Variants in KCNQ5 observed in about 807,000 individuals in gnomAD.
KCNQ5 encodes potassium voltage-gated channel subfamily KQT member 5.
In KCNQ5, 30 loss-of-function variants were observed where a neutral mutation model predicts 98.2. The observed-to-expected ratio is 0.31, with a 90% confidence interval of 0.23 to 0.41. KCNQ5 has a LOEUF of 0.41. Among genes scored for constraint, KCNQ5 ranks in the 10% least tolerant of loss-of-function variants. The pLI, the probability that KCNQ5 is intolerant of heterozygous loss-of-function variation, is 1.00. For synonymous variants in KCNQ5, 458 were observed against 449.4 expected, an observed-to-expected ratio of 1.02 and a Z score of -0.24; for missense variants, 835 against 1,182.5, an observed-to-expected ratio of 0.71 and a Z score of 4.31.
intron 2 of KCNQ5, among the ~76,000 whole-genome samples, chr6:73,031,483 C>T (rs914541305): frequency 1.3e-5 from 2 of 152,128 alleles, no homozygotes; most frequent in African/African-American, 4.8e-5. Flanking sequence ...AAACAGTATG[C>T]TAATTGGGTG....
intron 11 of KCNQ5, among the ~76,000 whole-genome samples, chr6:73,187,422 C>T (rs2150521066): frequency 7.1e-6 from 1 of 141,538 alleles, no homozygotes; most frequent in South Asian, 2.1e-4. Flanking sequence ...TTGCTCCAGG[C>T]ACCACTGCAC....
At chr6:72,819,124 ATTTTAT>A (rs1441961581) in intron 1 of KCNQ5, among the ~76,000 whole-genome samples, 1 of 151,868 alleles carries the variant, frequency 6.6e-6, no homozygotes, top group Non-Finnish European at 1.5e-5. Context: ...CAGTTCGACA[ATTTTAT>A]TTTTATTTAT....
chr6:73,165,969 A>T (rs980474868), intron 10 of KCNQ5, among the ~76,000 whole-genome samples: 2 of 151,830 alleles, frequency 1.3e-5, no homozygotes, highest in South Asian at 4.2e-4. Flanking sequence ...GAAATACAAG[A>T]AGGGCAAATC....
intron 1 of KCNQ5, among the ~76,000 whole-genome samples, chr6:72,952,735 G>T (rs1337647508): frequency 6.6e-6 from 1 of 152,078 alleles, no homozygotes; most frequent in South Asian, 2.1e-4. Context: ...GATAGTAACT[G>T]CTTCTTTCCT....
chr6:73,125,219 T>C (rs4706531), intron 9 of KCNQ5, among the ~76,000 whole-genome samples: 145,232 of 151,612 alleles, frequency 0.96, 69,557 homozygotes, highest in South Asian at 0.99. Flanking sequence ...TTATTATCAG[T>C]TTCCCATGAC....
intron 1 of KCNQ5, among the ~76,000 whole-genome samples, chr6:72,762,037 G>A (rs1414718489): frequency 6.6e-6 from 1 of 152,058 alleles, no homozygotes; most frequent in African/African-American, 2.4e-5. Flanking sequence ...TATCGCTAGA[G>A]CTGGGTTAGG....
At chr6:72,913,406 C>T (rs973963559) in intron 1 of KCNQ5, among the ~76,000 whole-genome samples, 7 of 151,976 alleles carry the variant, frequency 4.6e-5, no homozygotes, top group Non-Finnish European at 7.4e-5. Flanking sequence ...GCAGTGGTTC[C>T]CATTTGTATT....
intron 1 of KCNQ5, among the ~76,000 whole-genome samples, chr6:72,661,889 C>T (rs909809155): frequency 6.6e-6 from 1 of 152,116 alleles, no homozygotes; most frequent in African/African-American, 2.4e-5. Flanking sequence ...AAATGAAAAA[C>T]TGGACTGTTT....
At chr6:72,647,091 C>T (rs9342961) in intron 1 of KCNQ5, among the ~76,000 whole-genome samples, 75,767 of 152,118 alleles carry the variant, frequency 0.5, 20,778 homozygotes, top group African/African-American at 0.73. Flanking sequence ...CATATTCATT[C>T]ATTTACTGTC....
intron 10 of KCNQ5, among the ~76,000 whole-genome samples, chr6:73,146,130 A>G (rs1776914214): frequency 6.6e-6 from 1 of 152,236 alleles, no homozygotes; most frequent in Non-Finnish European, 1.5e-5. Context: ...GATTAACAAT[A>G]TAGATTTGTG....
chr6:73,021,734 A>G (rs1442125078), intron 2 of KCNQ5, among the ~76,000 whole-genome samples: 1 of 152,228 alleles, frequency 6.6e-6, no homozygotes, highest in Non-Finnish European at 1.5e-5. Context: ...CCATGGAGAC[A>G]TTAAAATACT....
intron 1 of KCNQ5, among the ~76,000 whole-genome samples, chr6:72,737,706 T>A (rs1366220404): frequency 1.3e-5 from 2 of 152,228 alleles, no homozygotes; most frequent in African/African-American, 4.8e-5. Context: ...GCTAATGAAA[T>A]CACATTCCCT....
rs150987304 is a variant in KCNQ5, at chr6:72,717,370, G to A, written c.398+94783G>A. Among the ~76,000 whole-genome samples the A allele has an allele frequency of 2.0e-4, 31 of 152,154 alleles. No individual in the cohort carries two copies. In the East Asian group the frequency reaches 5.4e-3, roughly 27 times the overall value. ...ATGGATATGCTAATTACTCTGATTTGATTATTATACAACATATACTTGTAT... is the reference window on the plus strand; with the variant it reads ...ATGGATATGCTAATTACTCTGATTTAATTATTATACAACATATACTTGTAT... On this transcript the variant is annotated intron_variant, in intron 1 of 13. Transcript: ENST00000370398.
At chr6:72,805,723 G>T (rs1410140585) in intron 1 of KCNQ5, among the ~76,000 whole-genome samples, 1 of 152,056 alleles carries the variant, frequency 6.6e-6, no homozygotes, top group Non-Finnish European at 1.5e-5. Context: ...TTAGTATTTT[G>T]ATAGGGATTG....
chr6:72,676,480 T>C (rs1378826218), intron 1 of KCNQ5, among the ~76,000 whole-genome samples: 5 of 152,164 alleles, frequency 3.3e-5, no homozygotes, highest in Non-Finnish European at 2.9e-5. Context: ...AAGAAGCAGA[T>C]TGGTGTCTCT....
chr6:73,046,729 G>T (rs766273709), intron 3 of KCNQ5, among the ~76,000 whole-genome samples: 18 of 150,540 alleles, frequency 1.2e-4, no homozygotes, highest in Non-Finnish European at 1.8e-4. Context: ...TACAACCTCC[G>T]CCTCCTGGGT....
At chr6:72,675,555 A>G (rs1048248991) in intron 1 of KCNQ5, among the ~76,000 whole-genome samples, 3 of 152,208 alleles carry the variant, frequency 2.0e-5, no homozygotes, top group African/African-American at 7.2e-5. Context: ...TTACCAGACA[A>G]ACAATCTGAG....
chr6:73,007,471 A>G (rs571157245), intron 2 of KCNQ5, among the ~76,000 whole-genome samples: 1 of 152,296 alleles, frequency 6.6e-6, no homozygotes, highest in Admixed American at 6.5e-5. Flanking sequence ...CTGTCTCCCC[A>G]CCTAAACAAC....
At chr6:72,684,946 A>G (rs574859676) in intron 1 of KCNQ5, among the ~76,000 whole-genome samples, 1 of 152,258 alleles carries the variant, frequency 6.6e-6, no homozygotes, top group South Asian at 2.1e-4. Flanking sequence ...ATAATTCTTA[A>G]GAAACATTCC....
Sources: allele counts gnomAD v4.1 joint callset (sites outside exome capture counted in the v4.1 genomes callset), GRCh38; gene constraint gnomAD v4.1.1; transcripts MANE v1.5; gene names NCBI Gene and HGNC (gene_info 2026-07-23, HGNC 2026-07-21).